The following TMEM272 variants were observed in gnomAD, a reference collection of about 807,000 sequenced individuals.
The protein encoded by TMEM272 is long intergenic non-protein coding RNA 282.
A neutral mutation model predicts 3.7 loss-of-function variants in TMEM272; 8 were observed. The observed-to-expected ratio is 2.17, with a 90% CI of 1.27 to 3.91. TMEM272 has a LOEUF of 3.91. Among genes scored for constraint, TMEM272 ranks in the 30% most tolerant of loss-of-function variants. The pLI, the probability that TMEM272 is intolerant of heterozygous loss-of-function variation, is 0.00. For synonymous variants in TMEM272, 63 were observed against 39.8 expected, an observed-to-expected ratio of 1.58 and a Z score of -2.20; for missense variants, 166 against 91.5, an observed-to-expected ratio of 1.81 and a Z score of -3.32.
chr13:51,836,470 C>G (rs1189787744), intron 2 of TMEM272, among the ~76,000 whole-genome samples: 1 of 152,218 alleles, frequency 6.6e-6, no homozygotes, highest in African/African-American at 2.4e-5. Context: ...ATACAGTCCT[C>G]TCTGCTGTTT....
chr13:51,888,067 G>A, the TMEM272 span, among the ~76,000 whole-genome samples: 8 of 145,640 alleles, frequency 5.5e-5, no homozygotes, highest in Admixed American at 1.4e-4. Context: ...TTTTTGAGAC[G>A]GAGTTTCGCT....
the TMEM272 span, among the ~76,000 whole-genome samples, chr13:51,870,252 G>GGT: frequency 7.1e-4 from 108 of 151,766 alleles, no homozygotes; most frequent in African/African-American, 2.6e-3. Flanking sequence ...AAGTTCTTTG[G>GGT]TTTTTTTTGT....
chr13:51,892,791 T>A, the TMEM272 span, among the ~76,000 whole-genome samples: 10 of 152,282 alleles, frequency 6.6e-5, 1 homozygote, highest in East Asian at 1.9e-3. Context: ...CTGGGTCTGG[T>A]GGCTCAGTCC....
At chr13:51,867,054 A>G in the TMEM272 span, among the ~76,000 whole-genome samples, 2 of 152,144 alleles carry the variant, frequency 1.3e-5, no homozygotes, top group Non-Finnish European at 2.9e-5. Context: ...AAATGACCAG[A>G]GTGAGGGAGT....
intron 2 of TMEM272, among the ~76,000 whole-genome samples, chr13:51,833,327 A>G (rs56023833): frequency 0.052 from 7,971 of 152,194 alleles, 273 homozygotes; most frequent in Admixed American, 0.093. Context: ...AGATAAAGAG[A>G]GTTGTAGGGT....
the TMEM272 span, among the ~76,000 whole-genome samples, chr13:51,878,570 C>G: frequency 6.6e-6 from 1 of 152,178 alleles, no homozygotes; most frequent in Non-Finnish European, 1.5e-5. Context: ...GATTACAATT[C>G]AGATTACAAT....
the TMEM272 span, among the ~76,000 whole-genome samples, chr13:51,907,151 AC>A: frequency 6.6e-6 from 1 of 152,196 alleles, no homozygotes. Context: ...CTGAGGCTTT[AC>A]GTGGCCTTGT....
At chr13:51,819,988 T>G (rs1566334293) in intron 4 of TMEM272, among the ~76,000 whole-genome samples, 2 of 152,200 alleles carry the variant, frequency 1.3e-5, no homozygotes, top group Non-Finnish European at 2.9e-5. Context: ...GCAGGATGAT[T>G]ATTAGAGCCC....
chr13:51,816,955 G>T lies in TMEM272; in HGVS notation c.360C>A (p.Ile120=), dbSNP rs569775746. The T allele has an allele frequency of 1.4e-6, 1 of 703,090 alleles. No individual in the cohort carries two copies. The highest frequency in any genetic ancestry group is 1.5e-5 in the South Asian group (1 of 67,604). 43.6% of individuals were successfully genotyped at this position (703,090 alleles called of 1,614,324 possible). A position where few individuals can be genotyped will look rare whatever the true frequency, so the allele number is the denominator to read the frequency against. ...LLSLFLFLWF[I]LGNYWVFSVY... is the part of the protein sequence containing the mutation. ...CAGAAAAGACCCAGTAGTTTCCCAG[G>T]ATGAACCAGAGGAAGAGGAAGAGGC... The change falls in exon 5 of 5, where the codon ATC becomes ATA. Residue 120 remains isoleucine (I), a synonymous_variant. Coordinates refer to ENST00000629372, the MANE Select transcript of TMEM272 (RefSeq NM_001351003.2).
chr13:51,858,630 C>T, the TMEM272 span, among the ~76,000 whole-genome samples: 1 of 152,164 alleles, frequency 6.6e-6, no homozygotes, highest in African/African-American at 2.4e-5. Context: ...AGGACTTTCT[C>T]CTTAGCTCAG....
the TMEM272 span, among the ~76,000 whole-genome samples, chr13:51,860,765 A>T: frequency 6.8e-6 from 1 of 146,520 alleles, no homozygotes; most frequent in Non-Finnish European, 1.5e-5. Context: ...ACACACACAC[A>T]CTTTGTATAC....
chr13:51,844,377 C>T (rs901743156), intron 1 of TMEM272, among the ~76,000 whole-genome samples: 5 of 152,266 alleles, frequency 3.3e-5, no homozygotes, highest in Admixed American at 3.3e-4. Flanking sequence ...CATCCCCATA[C>T]CTGTTCCTTC....
the TMEM272 span, among the ~76,000 whole-genome samples, chr13:51,927,324 C>T: frequency 4.6e-5 from 7 of 152,282 alleles, no homozygotes; most frequent in Admixed American, 1.3e-4. Context: ...GGCCCACTCG[C>T]TGCTGTGATG....
At chr13:51,845,902 A>T (rs1264056459), upstream of TMEM272, among the ~76,000 whole-genome samples, 1 of 152,238 alleles carries the variant, frequency 6.6e-6, no homozygotes, top group Non-Finnish European at 1.5e-5. Flanking sequence ...CATGGACCAC[A>T]CTTAGAGAAA....
chr13:51,897,941 A>AAAAG, the TMEM272 span, among the ~76,000 whole-genome samples: 2 of 147,968 alleles, frequency 1.4e-5, 1 homozygote, highest in Non-Finnish European at 3.0e-5. Flanking sequence ...AAAAAAAAAA[A>AAAAG]GGGCTGGGCG....
intron 2 of TMEM272, among the ~76,000 whole-genome samples, chr13:51,836,852 T>C (rs1443851967): frequency 6.6e-6 from 1 of 152,204 alleles, no homozygotes; most frequent in Non-Finnish European, 1.5e-5. Context: ...AAAATGTTTT[T>C]GTCTGGCTGG....
the TMEM272 span, among the ~76,000 whole-genome samples, chr13:51,868,459 T>C: frequency 2.6e-5 from 4 of 152,266 alleles, no homozygotes; most frequent in Admixed American, 2.6e-4. Flanking sequence ...GTACAACTAA[T>C]ATCTGGGAAT....
At chr13:51,910,980 G>A in the TMEM272 span, among the ~76,000 whole-genome samples, 3 of 152,214 alleles carry the variant, frequency 2.0e-5, no homozygotes, top group Non-Finnish European at 4.4e-5. Context: ...GCCCAGGTGA[G>A]GCCAGCAGAA....
chr13:51,866,141 G>T, the TMEM272 span: 7 of 1,369,854 alleles, frequency 5.1e-6, no homozygotes, highest in Non-Finnish European at 4.9e-6. Context: ...TCAAGTCCAG[G>T]GTGAGCCCAT....
Sources: gnomAD v4.1 joint callset for allele counts (sites outside exome capture counted in the v4.1 genomes callset) on GRCh38, gnomAD v4.1.1 for gene constraint, MANE v1.5 for transcripts, NCBI Gene and HGNC (gene_info 2026-07-23, HGNC 2026-07-21) for gene names.